The following SORBS3 variants were observed in gnomAD, a reference collection of about 807,000 sequenced individuals.
SORBS3 encodes sorbin and SH3 domain containing 3.
Under a neutral mutation model 98.0 loss-of-function variants are expected in SORBS3, and 69 were observed. The observed-to-expected ratio is 0.70, with a 90% CI of 0.58 to 0.86. SORBS3 has a LOEUF of 0.86. SORBS3 is among the 40% of genes least tolerant of loss of function. The pLI is 0.00. For missense variants in SORBS3, 954 were observed against 908.5 expected (o/e 1.05, Z -0.64); for synonymous variants, 394 against 355.4 (o/e 1.11, Z -1.22).
In SORBS3 at chr8:22,554,267, G is replaced by A. The variant is rs1840141931; in HGVS notation, c.-55-185G>A. On this transcript the variant is annotated intron_variant, in intron 1 of 20. Coordinates refer to ENST00000240123, the MANE Select transcript of SORBS3 (RefSeq NM_005775.5). The surrounding 1 kb of genome is among the most constrained non-coding windows in gnomAD (Gnocchi z 6.5). The stretch of plus-strand genomic sequence containing the variant: ...TGGTCCATTGTGCCCCTGGGAGCCG[G>A]CAGGCACGGGCAGCCTGCAGGCGGG... The A allele has an allele frequency of 8.1e-6, 4 of 494,766 alleles. No homozygotes were observed. The highest frequency in any genetic ancestry group is 2.0e-5 in the African/African-American group (1 of 50,618). 30.6% of individuals were successfully genotyped at this position (494,766 alleles called of 1,614,324 possible).
chr8:22,564,090 G>T lies in SORBS3; in HGVS notation c.675+13G>T, dbSNP rs1287510166. 1.2e-6 allele frequency: 2 copies of T among 1,611,796 alleles called. No homozygotes were observed. Among genetic ancestry groups the T allele is most frequent in the Non-Finnish European group, 1.7e-6 (2 of 1,178,808 alleles). ...GCCCTCAAATCAGGTAGCCCACCCA[G>T]CATAGTCCCTGGTCAGCCCCAGCTG... On this transcript the variant is annotated intron_variant, in intron 8 of 20. Transcript: ENST00000240123.
In SORBS3 at chr8:22,566,372, C is replaced by T. The variant is rs146718870; in HGVS notation, c.978C>T (p.Tyr326=). Residue 326 remains tyrosine, a synonymous_variant, in exon 13 of 21, where the codon TAC becomes TAT. Coordinates refer to ENST00000240123, the MANE Select transcript of SORBS3 (RefSeq NM_005775.5). ...CGGCCTCAGCCTGGAGCTCCAGCTA[C>T]CCACATGCACCTTACCTGGGTTCCG... ...AGPASAWSSS[Y]PHAPYLGSAR... 2 of 1,613,808 alleles carry T rather than the reference C, an allele frequency of 1.2e-6. No homozygotes were observed. Among genetic ancestry groups the T allele is most frequent in the African/African-American group, 2.7e-5 (2 of 74,922 alleles).
upstream of SORBS3, chr8:22,551,855 C>A (rs902106760): frequency 2.9e-5 from 29 of 985,278 alleles, no homozygotes; most frequent in Non-Finnish European, 3.4e-5. The surrounding 1 kb of genome is among the most constrained non-coding windows in gnomAD (Gnocchi z 5.8). Flanking sequence ...TCTTCCTGCG[C>A]CGGCGCCCGG....
chr8:22,564,353 T>C lies in SORBS3; in HGVS notation c.746T>C (p.Leu249Pro), dbSNP rs1440016666. The C allele has an allele frequency of 1.9e-6, 3 of 1,613,964 alleles. No homozygotes were observed. Among genetic ancestry groups the C allele is most frequent in the Non-Finnish European group, 1.7e-6 (2 of 1,179,932 alleles). ...EESWNQFLQE[L>P]ETGQRPKKPL... ...TCCTGGAACCAGTTTCTGCAGGAACTAGAGACTGGGCAGAGGGTGAGTGCT... is the reference window on the plus strand; with the variant it reads ...TCCTGGAACCAGTTTCTGCAGGAACCAGAGACTGGGCAGAGGGTGAGTGCT... Residue 249 changes from leucine to proline, a missense_variant, in exon 9 of 21, where the codon CTA (leucine) becomes CCA (proline). Leu to Pro is a moderately conservative substitution (Grantham distance 98). Transcript: ENST00000240123.
Position 22,557,996 on chromosome 8 carries a change from A to G in SORBS3, c.415-133A>G. 1.5e-5 allele frequency: 12 copies of G among 791,846 alleles called. No individual in the cohort carries two copies. In the South Asian group the frequency reaches 1.5e-4, roughly 10 times the overall value. 49.1% of individuals were successfully genotyped at this position (791,846 alleles called of 1,614,324 possible). On this transcript the variant is annotated intron_variant, in intron 4 of 20. Transcript: ENST00000240123. ...ATTGTTATTAAAGAGATCGCAAGAG[A>G]AGCATTTCCCAGCCCACCTATGGGG...
chr8:22,550,390 A>C (rs560943727), upstream of SORBS3, among the ~76,000 whole-genome samples: 1 of 152,314 alleles, frequency 6.6e-6, no homozygotes, highest in Non-Finnish European at 1.5e-5. Context: ...GAATCATGTA[A>C]AAATTTGTCC....
chr8:22,572,450 T>G lies in SORBS3; in HGVS notation c.1954+4T>G. ...TGTGACGATGGCTGGTTTGTGGGTA[T>G]GTGGGCAGGCCGGGAGGGGGCATCT... On this transcript the variant is annotated splice_donor_region_variant and intron_variant, in intron 20 of 20. Coordinates refer to ENST00000240123, the MANE Select transcript of SORBS3 (RefSeq NM_005775.5). The G allele has an allele frequency of 1.2e-6, 2 of 1,611,314 alleles. No homozygotes were observed. Among genetic ancestry groups the G allele is most frequent in the South Asian group, 1.1e-5 (1 of 91,032 alleles).
Position 22,554,822 on chromosome 8 carries a change from CTG to C in SORBS3, c.103-40_103-39del. Reference sequence around the variant, plus strand: ...CTAGTAGCCATCCCTCCCTCCCGCCCTGCTGGGCCCTGAGCTGCCGCTCCTGG... The same window carrying C: ...CTAGTAGCCATCCCTCCCTCCCGCCCCTGGGCCCTGAGCTGCCGCTCCTGG... On this transcript the variant is annotated intron_variant, in intron 2 of 20. Transcript: ENST00000240123. The surrounding 1 kb of genome is among the most constrained non-coding windows in gnomAD (Gnocchi z 6.5). 1 of 1,520,580 alleles carries C rather than the reference CTG, an allele frequency of 6.6e-7. No homozygotes were observed. Among genetic ancestry groups the C allele is most frequent in the Non-Finnish European group, 9.1e-7 (1 of 1,098,642 alleles). 94.2% of individuals were successfully genotyped at this position (1,520,580 alleles called of 1,614,324 possible).
At chr8:22,548,731 G>A (rs1299729153), upstream of SORBS3, among the ~76,000 whole-genome samples, 2 of 152,156 alleles carry the variant, frequency 1.3e-5, no homozygotes, top group Non-Finnish European at 2.9e-5. Context: ...AGAGCAAGGC[G>A]CTCCTCAAGA....
Position 22,570,980 on chromosome 8 carries a change from G to T in SORBS3, c.1502G>T (p.Arg501Leu). The change falls in exon 18 of 21, where the codon CGC becomes CTC. Residue 501 changes from arginine (R) to leucine (L), a missense_variant. Coordinates refer to ENST00000240123, the MANE Select transcript of SORBS3 (RefSeq NM_005775.5). ...WYEGRITGTGRQGIFPASYVQ... is the reference protein window; with the variant it reads ...WYEGRITGTGLQGIFPASYVQ... ...GAGGGACGCATCACGGGCACGGGGC[G>T]CCAAGGCATATTCCCTGCCAGCTAC... is the stretch of plus-strand genomic sequence containing the variant. 6.2e-7 allele frequency: 1 copy of T among 1,613,584 alleles called. No homozygotes were observed. The highest frequency in any genetic ancestry group is 8.5e-7 in the Non-Finnish European group (1 of 1,179,806).
At chr8:22,565,071 C>A (rs1430602953) in intron 10 of SORBS3, 197 bp from the exon 11 acceptor site, 14 of 1,428,124 alleles carry the variant, frequency 9.8e-6, no homozygotes, top group African/African-American at 5.8e-5. Context: ...GCGTGCTGGG[C>A]AGGTGAGAGG....
upstream of SORBS3, among the ~76,000 whole-genome samples, chr8:22,547,676 CACTT>C (rs772019135): frequency 2.6e-4 from 39 of 152,190 alleles, no homozygotes; most frequent in Non-Finnish European, 8.8e-5. Flanking sequence ...CTGAGGTCAT[CACTT>C]ACTTATCCTT....
At chr8:22,549,990 A>G, upstream of SORBS3, 1 of 985,400 alleles carries the variant, frequency 1.0e-6, no homozygotes, top group Non-Finnish European at 1.2e-6. Context: ...CTTCAGCTTC[A>G]CCATCTTGGG....
intron 16 of SORBS3, 45 bp downstream of exon 16, chr8:22,567,220 G>A (rs756019601): frequency 1.1e-5 from 15 of 1,324,794 alleles, no homozygotes; most frequent in South Asian, 1.1e-4. Context: ...CTGGGAGGGC[G>A]CAGGGGTTGG....
At chr8:22,565,621 GC>G in intron 11 of SORBS3, 2 of 998,486 alleles carry the variant, frequency 2.0e-6, no homozygotes, top group Non-Finnish European at 2.6e-6. Context: ...GCCCCGTCCG[GC>G]CCCCGGGCCC....
At chr8:22,559,751 G>A (rs979083029) in intron 5 of SORBS3, among the ~76,000 whole-genome samples, 2 of 151,680 alleles carry the variant, frequency 1.3e-5, no homozygotes, top group Non-Finnish European at 2.9e-5. Context: ...TTAGACACAT[G>A]TTCCCTCTGA....
intron 20 of SORBS3, 68 bp downstream of exon 20, chr8:22,572,514 C>T: frequency 2.5e-6 from 3 of 1,222,526 alleles, no homozygotes; most frequent in African/African-American, 1.5e-5. Flanking sequence ...CTGTTGCCTG[C>T]CAGTGCTGCT....
At chr8:22,573,081 G>A (rs1360243458) in intron 20 of SORBS3, among the ~76,000 whole-genome samples, 1 of 152,180 alleles carries the variant, frequency 6.6e-6, no homozygotes, top group Non-Finnish European at 1.5e-5. Context: ...GCCCCAAGCA[G>A]GCTTTGAAGC....
upstream of SORBS3, among the ~76,000 whole-genome samples, chr8:22,550,582 C>T (rs1327087014): frequency 6.6e-6 from 1 of 152,218 alleles, no homozygotes; most frequent in South Asian, 2.1e-4. Flanking sequence ...ACGGGGAGAG[C>T]TTCTTTACCA....
Sources: allele counts gnomAD v4.1 joint callset (sites outside exome capture counted in the v4.1 genomes callset), GRCh38; gene constraint gnomAD v4.1.1; non-coding constraint Gnocchi (gnomAD v3.1); transcripts MANE v1.5; gene names NCBI Gene and HGNC (gene_info 2026-07-23, HGNC 2026-07-21).